The following MTF1 variants were observed in gnomAD, a reference collection of about 807,000 sequenced individuals.
The protein encoded by MTF1 is MRE-binding transcription factor.
MTF1 carries 22 observed loss-of-function variants against 70.4 expected under a neutral mutation model. The observed-to-expected ratio is 0.31, with a 90% CI of 0.22 to 0.45. The LOEUF (loss-of-function observed/expected upper bound fraction) is 0.45. Ranked by LOEUF, MTF1 falls within the 20% of genes least tolerant of loss-of-function variation. MTF1 has a pLI of 1.00. For missense variants in MTF1, 649 were observed against 922.0 expected, an observed-to-expected ratio of 0.70 and a Z score of 3.83; for synonymous variants, 333 against 352.8, an observed-to-expected ratio of 0.94 and a Z score of 0.63.
rs1640798702 is a variant in MTF1 at position 37,815,348 on chromosome 1, G to C, written c.2050C>G (p.Pro684Ala). The C allele has an allele frequency of 6.2e-7, 1 of 1,614,142 alleles. No homozygotes were observed. The highest frequency in any genetic ancestry group is 1.7e-5 in the Admixed American group (1 of 60,008). ...GGCAAGGTAGAGGATGATGACCCGG[G>C]AACAGGGGCTGAAGAGAAAGTCTGC... ...PAQTFSSAPVPGSSSSTLPSS... is the reference protein window; with the variant it reads ...PAQTFSSAPVAGSSSSTLPSS... The change falls in exon 11 of 11, where the codon CCC becomes GCC. Residue 684 changes from proline to alanine, a missense_variant. Pro to Ala is a conservative substitution (Grantham distance 27, BLOSUM62 -1). Coordinates refer to ENST00000373036, the MANE Select transcript of MTF1 (RefSeq NM_005955.3). This position sits in a 1 kb window ranked among gnomAD's most constrained non-coding sequence, Gnocchi z 4.5.
intron 6 of MTF1, among the ~76,000 whole-genome samples, chr1:37,833,933 G>A (rs923380657): frequency 3.5e-4 from 54 of 152,134 alleles, no homozygotes; most frequent in African/African-American, 1.3e-3. Context: ...GAAGTGAGAG[G>A]AAGAAAAGTA....
intron 7 of MTF1, chr1:37,826,619 G>A: frequency 2.3e-6 from 1 of 430,330 alleles, no homozygotes. Context: ...GAAATTCAGT[G>A]ATTCCTTTTT....
At position 37,837,491 on chromosome 1, in the gene MTF1, A is replaced by C. The variant is rs373797939; in HGVS notation, c.779+1134T>G. Among the ~76,000 whole-genome samples, 10 of 152,030 alleles carry C rather than the reference A, an allele frequency of 6.6e-5. 1 individual carries two copies. The highest frequency in any genetic ancestry group is 2.4e-4 in the African/African-American group (10 of 41,470). Reference sequence around the variant, plus strand: ...ATATCCCCTGCCAAAATTCAAATACATTGTTTATTTTTTTTTTATTTTTAT... The same window carrying C: ...ATATCCCCTGCCAAAATTCAAATACCTTGTTTATTTTTTTTTTATTTTTAT... On this transcript the variant is annotated intron_variant, in intron 4 of 10. Transcript: ENST00000373036.
At chr1:37,847,351 T>C (rs1209770850) in intron 2 of MTF1, among the ~76,000 whole-genome samples, 1 of 152,232 alleles carries the variant, frequency 6.6e-6, no homozygotes, top group Non-Finnish European at 1.5e-5. Context: ...TGTTTCTAAG[T>C]GTCAGTCTGT....
At chr1:37,839,131 C>A (rs930555017) in intron 3 of MTF1, among the ~76,000 whole-genome samples, 3 of 152,126 alleles carry the variant, frequency 2.0e-5, no homozygotes, top group Non-Finnish European at 4.4e-5. Flanking sequence ...TCTACAGAGC[C>A]TCCCCATGCC....
At position 37,835,099 on chromosome 1, in the gene MTF1, G is replaced by C. The variant is rs1316870975; in HGVS notation, c.970C>G (p.Pro324Ala). The C allele has an allele frequency of 1.2e-6, 2 of 1,614,052 alleles. No homozygotes were observed. Among genetic ancestry groups the C allele is most frequent in the African/African-American group, 2.7e-5 (2 of 74,926 alleles). Residue 324 changes from proline (P) to alanine (A), a missense_variant, in exon 6 of 11, where the codon CCA becomes GCA. By Grantham distance (27) the Pro-to-Ala change is conservative. Coordinates refer to ENST00000373036, the MANE Select transcript of MTF1 (RefSeq NM_005955.3). ...CACACCTCTGATCCATTGTGTTGTG[G>C]AAGTGCATTGTATGAGTGTCCTTTG... ...DNKGHSYNALPQHNGSEDTNH... is the reference protein window; with the variant it reads ...DNKGHSYNALAQHNGSEDTNH...
At chr1:37,849,434 A>G (rs1641381427) in intron 2 of MTF1, among the ~76,000 whole-genome samples, 1 of 152,146 alleles carries the variant, frequency 6.6e-6, no homozygotes, top group Non-Finnish European at 1.5e-5. Flanking sequence ...TCAATTAAAA[A>G]AAAAAAAAAA....
At position 37,815,702 on chromosome 1, in the gene MTF1, G is replaced by A. The variant is rs1373066262; in HGVS notation, c.1832-136C>T. 1.1e-5 allele frequency: 7 copies of A among 628,874 alleles called. No homozygotes were observed. Among genetic ancestry groups the A allele is most frequent in the South Asian group, 8.4e-5 (3 of 35,898 alleles). 39.0% of individuals were successfully genotyped at this position (628,874 alleles called of 1,614,324 possible). ...GGATGGTTGCCACACTTCGGGCTTC[G>A]TTCTGCTTTAAATTGGACCACATGC... On this transcript the variant is annotated intron_variant, in intron 10 of 10. Transcript: ENST00000373036. The surrounding 1 kb of genome is among the most constrained non-coding windows in gnomAD (Gnocchi z 4.5).
intron 6 of MTF1, among the ~76,000 whole-genome samples, chr1:37,832,726 G>A (rs1641107930): frequency 6.6e-6 from 1 of 152,140 alleles, no homozygotes; most frequent in African/African-American, 2.4e-5. Context: ...AGTTTTAGAG[G>A]CTGAGAGTGG....
rs1013747413 is a variant in MTF1 at position 37,814,633 on chromosome 1, C to G, written c.*503G>C. On this transcript the variant is annotated 3_prime_UTR_variant, in exon 11 of 11. Transcript: ENST00000373036. ...CCCTGTCCAACTCACAGCTGCCTCA[C>G]TGGCCTTTGCCACTGCCCTCTCTGA... 1.8e-5 allele frequency: 3 copies of G among 166,230 alleles called. No homozygotes were observed. Among genetic ancestry groups the G allele is most frequent in the Non-Finnish European group, 3.9e-5 (3 of 76,120 alleles). The allele number at this position is 166,230 out of a possible 1,614,324, so 10.3% of individuals were successfully genotyped here.
At chr1:37,835,567 A>G in intron 5 of MTF1, 104 bp downstream of exon 5, 1 of 852,702 alleles carries the variant, frequency 1.2e-6, no homozygotes, top group Non-Finnish European at 1.9e-6. Context: ...GCTCACCTGA[A>G]TATATACAGG....
chr1:37,824,326 A>G (rs911783572), intron 7 of MTF1, among the ~76,000 whole-genome samples: 2 of 152,212 alleles, frequency 1.3e-5, no homozygotes, highest in Non-Finnish European at 2.9e-5. Flanking sequence ...AACAAAGCCT[A>G]AAATATTTAC....
At chr1:37,824,231 G>A (rs538320114) in intron 7 of MTF1, among the ~76,000 whole-genome samples, 6 of 152,208 alleles carry the variant, frequency 3.9e-5, no homozygotes, top group South Asian at 2.1e-4. Context: ...ATTGGAACAC[G>A]GGCACATGCA....
At chr1:37,844,165 A>G (rs1417300747) in intron 2 of MTF1, among the ~76,000 whole-genome samples, 1 of 152,218 alleles carries the variant, frequency 6.6e-6, no homozygotes, top group Non-Finnish European at 1.5e-5. Flanking sequence ...AGATCTTTCC[A>G]GGGCTGCTTC....
intron 3 of MTF1, 140 bp downstream of exon 3, chr1:37,839,780 A>G: frequency 1.5e-6 from 1 of 682,744 alleles, no homozygotes; most frequent in Non-Finnish European, 2.5e-6. Flanking sequence ...TCTGGCAGAA[A>G]TGAATTTTAC....
chr1:37,828,575 G>A (rs1641039214), intron 7 of MTF1, among the ~76,000 whole-genome samples: 1 of 152,216 alleles, frequency 6.6e-6, no homozygotes, highest in African/African-American at 2.4e-5. Flanking sequence ...AAAGTGTTGG[G>A]ATTATAGGCG....
intron 3 of MTF1, 63 bp from the exon 4 acceptor site, chr1:37,838,819 T>TC (rs1553148619): frequency 7.6e-6 from 9 of 1,185,146 alleles, no homozygotes; most frequent in South Asian, 3.2e-5. Context: ...TTTTTTTTTT[T>TC]CTGAGACAGA....
Position 37,822,666 on chromosome 1 carries a change from G to C in MTF1, c.1222C>G (p.Pro408Ala), listed in dbSNP as rs200577823. The C allele has an allele frequency of 1.0e-4, 169 of 1,613,624 alleles. No individual in the cohort carries two copies. Among genetic ancestry groups the C allele is most frequent in the Non-Finnish European group, 1.3e-4 (156 of 1,180,000 alleles). ...GATGCTGAATTTCCTGTGGATGGCG[G>C]AACATCACTGACTGACTCTGCATCA... ...NGDAESVSDV[P>A]PSTGNSASLS... The change falls in exon 9 of 11, where the codon CCG becomes GCG. Residue 408 changes from proline (P) to alanine (A), a missense_variant. Physicochemically the swap from Pro to Ala is conservative, Grantham distance 27. Around this residue, in one of 7 missense-constraint regions of MTF1, gnomAD observed 267 missense variants for 292.1 expected, o/e 0.91. Coordinates refer to ENST00000373036, the MANE Select transcript of MTF1 (RefSeq NM_005955.3).
intron 2 of MTF1, among the ~76,000 whole-genome samples, chr1:37,853,817 T>C (rs529533645): frequency 1.3e-5 from 2 of 152,310 alleles, no homozygotes; most frequent in South Asian, 4.1e-4. Flanking sequence ...CCACACTGTG[T>C]TTGCTGCTAT....
Sources: allele counts gnomAD v4.1 joint callset (sites outside exome capture counted in the v4.1 genomes callset), GRCh38; gene constraint gnomAD v4.1.1; regional missense constraint gnomAD v4.1.1; non-coding constraint Gnocchi (gnomAD v3.1); transcripts MANE v1.5; gene names NCBI Gene and HGNC (gene_info 2026-07-23, HGNC 2026-07-21).